FGF14: variants seen among roughly 807,000 people sequenced by gnomAD.
FGF14 encodes fibroblast growth factor homologous factor 4.
A neutral mutation model predicts 25.5 loss-of-function variants in FGF14; 5 were observed. That is an observed-to-expected ratio of 0.20 (90% CI 0.10 to 0.41). FGF14 has a LOEUF of 0.41. Among genes scored for constraint, FGF14 ranks in the 10% least tolerant of loss-of-function variants. FGF14 has a pLI of 1.00. For synonymous variants in FGF14, 138 were observed against 118.3 expected, an observed-to-expected ratio of 1.17 and a Z score of -1.08; for missense variants, 222 against 320.1, an observed-to-expected ratio of 0.69 and a Z score of 2.34.
chr13:101,848,560 T>G lies in FGF14; in HGVS notation c.408+20165A>C, dbSNP rs138355760. Among the ~76,000 whole-genome samples, 15 of 152,140 alleles carry G rather than the reference T, an allele frequency of 9.9e-5. No individual in the cohort carries two copies. In the East Asian group the frequency reaches 2.5e-3, roughly 26 times the overall value. On this transcript the variant is annotated intron_variant, in intron 3 of 4. Coordinates refer to ENST00000376143, the MANE Select transcript of FGF14 (RefSeq NM_004115.4). ...GATTTGTTATATGTTTTAGAGATGA[T>G]TGGTAAATCCAGGAACTATAGGTAA...
chr13:102,177,700 G>A (rs1174156278), intron 1 of FGF14, among the ~76,000 whole-genome samples: 1 of 151,686 alleles, frequency 6.6e-6, no homozygotes, highest in Non-Finnish European at 1.5e-5. Context: ...ATGGCTCATG[G>A]AAATCCTGTA....
intron 1 of FGF14, among the ~76,000 whole-genome samples, chr13:102,182,028 T>G (rs1466068976): frequency 6.6e-6 from 1 of 152,080 alleles, no homozygotes; most frequent in Admixed American, 6.6e-5. Flanking sequence ...CAGCCACCCA[T>G]TTTGTGGTAC....
intron 1 of FGF14, among the ~76,000 whole-genome samples, chr13:102,123,576 A>G (rs1488109103): frequency 2.2e-5 from 3 of 136,318 alleles, no homozygotes; most frequent in Admixed American, 7.7e-5. Context: ...AATGTTATAC[A>G]GTTTTCCAAA....
At chr13:102,231,181 T>C (rs540340221) in intron 1 of FGF14, among the ~76,000 whole-genome samples, 157 of 152,342 alleles carry the variant, frequency 1.0e-3, no homozygotes, top group Non-Finnish European at 2.0e-3. Flanking sequence ...TTGTGAAATA[T>C]ATGGATCATT....
chr13:101,810,985 G>T (rs186229544), intron 3 of FGF14, among the ~76,000 whole-genome samples: 7 of 152,068 alleles, frequency 4.6e-5, no homozygotes, highest in East Asian at 1.9e-4. Context: ...CTGAGAGAAA[G>T]GTATGAAGAT....
At chr13:101,780,333 G>A (rs1200372510) in intron 3 of FGF14, among the ~76,000 whole-genome samples, 2 of 152,130 alleles carry the variant, frequency 1.3e-5, no homozygotes, top group Non-Finnish European at 2.9e-5. Flanking sequence ...TGGTTCACAG[G>A]ATCTCAGCAG....
chr13:102,161,701 A>G (rs1328527872), intron 1 of FGF14, among the ~76,000 whole-genome samples: 2 of 148,458 alleles, frequency 1.3e-5, no homozygotes, highest in Non-Finnish European at 1.5e-5. Flanking sequence ...GAAGAAGAAG[A>G]AGAAGAAGAA....
At chr13:101,821,049 C>T (rs1220760537) in intron 3 of FGF14, among the ~76,000 whole-genome samples, 2 of 148,082 alleles carry the variant, frequency 1.4e-5, no homozygotes, top group Non-Finnish European at 3.0e-5. Context: ...CCGGGATTCA[C>T]GCCATTCTCC....
At chr13:101,864,076 A>C (rs1034358812) in intron 3 of FGF14, among the ~76,000 whole-genome samples, 1 of 152,152 alleles carries the variant, frequency 6.6e-6, no homozygotes, top group Non-Finnish European at 1.5e-5. Context: ...GAAAATGCTT[A>C]CTGAGGAATA....
At chr13:101,962,868 T>C (rs1323569218) in intron 1 of FGF14, among the ~76,000 whole-genome samples, 2 of 152,362 alleles carry the variant, frequency 1.3e-5, no homozygotes, top group East Asian at 1.9e-4. Flanking sequence ...CTTTGTCCTT[T>C]GCCGTGAAGA....
chr13:102,174,912 C>G (rs983270820), intron 1 of FGF14, among the ~76,000 whole-genome samples: 3 of 151,704 alleles, frequency 2.0e-5, no homozygotes, highest in African/African-American at 7.3e-5. Context: ...CTGCCAGTAT[C>G]TAAAATAAAA....
intron 1 of FGF14, among the ~76,000 whole-genome samples, chr13:102,069,434 G>A (rs528270104): frequency 6.6e-6 from 1 of 152,256 alleles, no homozygotes; most frequent in East Asian, 1.9e-4. Context: ...AACCCGCTCG[G>A]GTCCCCTTCC....
At chr13:102,108,530 C>G (rs1303838791) in intron 1 of FGF14, among the ~76,000 whole-genome samples, 2 of 152,140 alleles carry the variant, frequency 1.3e-5, no homozygotes, top group Admixed American at 6.6e-5. Flanking sequence ...TGAGCTCTTT[C>G]TAAAGATTCT....
intron 1 of FGF14, among the ~76,000 whole-genome samples, chr13:102,202,483 A>C (rs192334608): frequency 7.4e-4 from 113 of 152,336 alleles, no homozygotes; most frequent in Non-Finnish European, 2.9e-4. Flanking sequence ...AGAAGGAGGA[A>C]TTACAGAACA....
intron 1 of FGF14, among the ~76,000 whole-genome samples, chr13:102,137,305 G>A (rs1164900372): frequency 6.6e-6 from 1 of 152,164 alleles, no homozygotes; most frequent in Non-Finnish European, 1.5e-5. Flanking sequence ...AGTGTTTATT[G>A]ACTTTGCACA....
In FGF14 at chr13:102,273,953, A is replaced by AAG. The variant is rs2053379817; in HGVS notation, c.208+127517_208+127518insCT. 2.0e-5 allele frequency among the ~76,000 whole-genome samples: 3 copies of AAG among 151,892 alleles called. No homozygotes were observed. In the South Asian group the frequency reaches 6.3e-4, roughly 32 times the overall value. On this transcript the variant is annotated intron_variant, in intron 1 of 4. Transcript: ENST00000376131. The stretch of plus-strand genomic sequence containing the variant: ...GAGCAAGACCCTGTCTCAAAAAAAA[A>AAG]AAAAAGGAAGAAAGAAGTCTCAAAA...
At chr13:101,962,277 C>T (rs186389822) in intron 1 of FGF14, among the ~76,000 whole-genome samples, 64 of 152,220 alleles carry the variant, frequency 4.2e-4, no homozygotes, top group African/African-American at 1.5e-3. Flanking sequence ...GCTTCACTTC[C>T]CTTGCTAGAT....
chr13:102,320,533 T>C (rs1351386482), intron 1 of FGF14, among the ~76,000 whole-genome samples: 1 of 152,160 alleles, frequency 6.6e-6, no homozygotes, highest in Non-Finnish European at 1.5e-5. Flanking sequence ...CAGTGTTCTT[T>C]TTCATTCCCA....
chr13:102,361,294 G>C (rs2057557786), intron 1 of FGF14, among the ~76,000 whole-genome samples: 1 of 152,144 alleles, frequency 6.6e-6, no homozygotes, highest in Admixed American at 6.5e-5. Context: ...GCCAAGAACA[G>C]GCAGAATATT....
Sources: allele counts gnomAD v4.1 joint callset (sites outside exome capture counted in the v4.1 genomes callset), GRCh38; gene constraint gnomAD v4.1.1; transcripts MANE v1.5; gene names NCBI Gene and HGNC (gene_info 2026-07-23, HGNC 2026-07-21).